The following EFR3A variants were observed in gnomAD, a reference collection of about 807,000 sequenced individuals.
EFR3A encodes the protein protein EFR3 homolog A.
EFR3A carries 76 observed loss-of-function variants against 104.4 expected under a neutral mutation model. That is an observed-to-expected ratio of 0.73 (90% CI 0.60 to 0.88). EFR3A has a LOEUF of 0.88. EFR3A is among the 40% of genes least tolerant of loss of function. EFR3A has a pLI of 0.00. For missense variants in EFR3A, 985 were observed against 1,012.5 expected (o/e 0.97, Z 0.37); for synonymous variants, 330 against 330.0 (o/e 1.00, Z 0.00).
At chr8:131,993,004 G>T (rs948324029) in intron 18 of EFR3A, among the ~76,000 whole-genome samples, 15 of 152,148 alleles carry the variant, frequency 9.9e-5, no homozygotes, top group Admixed American at 9.2e-4. Flanking sequence ...AGCTAAGGGT[G>T]ACTTTTGCAA....
intron 8 of EFR3A, among the ~76,000 whole-genome samples, chr8:131,966,832 C>T (rs1258839693): frequency 6.6e-6 from 1 of 152,068 alleles, no homozygotes; most frequent in East Asian, 1.9e-4. Context: ...GTAAATGAAA[C>T]CTCAGTACAC....
chr8:131,942,150 A>T (rs1366549331), intron 2 of EFR3A, among the ~76,000 whole-genome samples: 1 of 152,098 alleles, frequency 6.6e-6, no homozygotes, highest in Non-Finnish European at 1.5e-5. Context: ...ACACTTGATC[A>T]TTGAAATGAC....
intron 1 of EFR3A, among the ~76,000 whole-genome samples, chr8:131,905,136 T>C (rs1816184424): frequency 6.6e-6 from 1 of 152,220 alleles, no homozygotes; most frequent in South Asian, 2.1e-4. Context: ...TGTGGATATG[T>C]GCAAACTAGG....
intron 18 of EFR3A, among the ~76,000 whole-genome samples, chr8:131,993,813 G>A (rs1216809735): frequency 6.6e-6 from 1 of 152,074 alleles, no homozygotes; most frequent in Non-Finnish European, 1.5e-5. Context: ...ACATAGGCGT[G>A]TGCAAACCAA....
chr8:131,999,398 C>A (rs941433426), intron 19 of EFR3A, among the ~76,000 whole-genome samples: 7 of 152,028 alleles, frequency 4.6e-5, no homozygotes, highest in African/African-American at 7.2e-5. Flanking sequence ...ATAGCAACTA[C>A]TATAATTAGA....
intron 21 of EFR3A, 95 bp from the exon 22 acceptor site, chr8:132,003,141 T>G: frequency 1.0e-6 from 1 of 1,001,242 alleles, no homozygotes; most frequent in Admixed American, 2.2e-5. Flanking sequence ...AGCTTAATAG[T>G]CACAATTATA....
chr8:131,977,178 T>C, intron 12 of EFR3A, 86 bp downstream of exon 12: 1 of 949,310 alleles, frequency 1.1e-6, no homozygotes, highest in Non-Finnish European at 1.6e-6. Context: ...ACAACCGTTC[T>C]TTCTTAAGTA....
At chr8:131,998,431 T>TA (rs1345222443) in intron 19 of EFR3A, among the ~76,000 whole-genome samples, 5 of 150,760 alleles carry the variant, frequency 3.3e-5, no homozygotes, top group African/African-American at 9.7e-5. Context: ...ACTTATAATT[T>TA]AAAAAAAAAG....
chr8:131,981,130 T>G (rs963582820), intron 14 of EFR3A, among the ~76,000 whole-genome samples: 1 of 151,868 alleles, frequency 6.6e-6, no homozygotes, highest in African/African-American at 2.4e-5. Context: ...TCATTACTGA[T>G]ATAATGAATT....
intron 1 of EFR3A, among the ~76,000 whole-genome samples, chr8:131,909,686 A>G (rs1214587170): frequency 3.9e-5 from 6 of 152,148 alleles, no homozygotes; most frequent in East Asian, 1.9e-4. Context: ...TCTTTACACT[A>G]TTGATGTCTG....
chr8:131,946,496 G>C lies in EFR3A; in HGVS notation c.229G>C (p.Ala77Pro). ...VRHRSGYVLIAMEALDQLLMA... is the reference protein window; with the variant it reads ...VRHRSGYVLIPMEALDQLLMA... ...TCCTACATGTAGGTATGTTTTGATT[G>C]CTATGGAGGCACTGGACCAACTTCT... is the stretch of plus-strand genomic sequence containing the variant. Residue 77 changes from alanine (A) to proline (P), a missense_variant, in exon 4 of 23, where the codon GCT becomes CCT. Coordinates refer to ENST00000254624, the MANE Select transcript of EFR3A (RefSeq NM_015137.6). 1 of 1,597,846 alleles carries C rather than the reference G, an allele frequency of 6.3e-7. No individual in the cohort carries two copies. Among genetic ancestry groups the C allele is most frequent in the Non-Finnish European group, 8.5e-7 (1 of 1,172,554 alleles).
intron 19 of EFR3A, among the ~76,000 whole-genome samples, chr8:132,000,082 T>A (rs1261807770): frequency 2.0e-5 from 3 of 151,636 alleles, no homozygotes; most frequent in African/African-American, 7.3e-5. Context: ...AAGGAGACAT[T>A]AAAAAAAAGA....
In EFR3A at chr8:132,013,510, G is replaced by C. The variant is rs749570708; in HGVS notation, c.*2615G>C. 2 of 152,514 alleles carry C rather than the reference G, an allele frequency of 1.3e-5. No homozygotes were observed. Among genetic ancestry groups the C allele is most frequent in the African/African-American group, 2.4e-5 (1 of 41,412 alleles). 9.4% of individuals were successfully genotyped at this position (152,514 alleles called of 1,614,324 possible). A position where few individuals can be genotyped will look rare whatever the true frequency, so the allele number is the denominator to read the frequency against. Reference sequence around the variant, plus strand: ...ATCTGTATTAAATGCAATAAAGTTAGTTTTTGAAATGTAAAAATTCACTGT... The same window carrying C: ...ATCTGTATTAAATGCAATAAAGTTACTTTTTGAAATGTAAAAATTCACTGT... On this transcript the variant is annotated 3_prime_UTR_variant, in exon 23 of 23. Coordinates refer to ENST00000254624, the MANE Select transcript of EFR3A (RefSeq NM_015137.6).
chr8:131,945,605 A>ATC (rs1216354063), intron 3 of EFR3A, among the ~76,000 whole-genome samples: 1 of 152,186 alleles, frequency 6.6e-6, no homozygotes. Flanking sequence ...AAGGAAAAGT[A>ATC]TCCAAAGACT....
chr8:131,995,316 T>C (rs1157937353), intron 18 of EFR3A, among the ~76,000 whole-genome samples: 1 of 152,194 alleles, frequency 6.6e-6, no homozygotes, highest in African/African-American at 2.4e-5. Context: ...TCGACTGTAA[T>C]CATGATTATT....
chr8:131,973,668 G>A (rs1410391689), intron 10 of EFR3A, among the ~76,000 whole-genome samples: 5 of 151,838 alleles, frequency 3.3e-5, no homozygotes, highest in African/African-American at 9.7e-5. Context: ...TATTCCTGTC[G>A]GTGGGCCATG....
chr8:131,916,353 A>G (rs1317985092), intron 1 of EFR3A, among the ~76,000 whole-genome samples: 1 of 152,182 alleles, frequency 6.6e-6, no homozygotes, highest in Non-Finnish European at 1.5e-5. Flanking sequence ...TAATTGGATC[A>G]AAGGATTGAG....
chr8:131,977,673 C>T (rs1040772790), intron 12 of EFR3A, among the ~76,000 whole-genome samples: 4 of 152,140 alleles, frequency 2.6e-5, no homozygotes, highest in Non-Finnish European at 5.9e-5. Flanking sequence ...CAGTATCTTT[C>T]AGATTTATCC....
chr8:131,960,351 G>C (rs1819245117), intron 8 of EFR3A, among the ~76,000 whole-genome samples: 1 of 151,800 alleles, frequency 6.6e-6, no homozygotes, highest in African/African-American at 2.4e-5. Flanking sequence ...TATGGGGGCT[G>C]ATTTTTTTCC....
Sources: allele counts gnomAD v4.1 joint callset (sites outside exome capture counted in the v4.1 genomes callset), GRCh38; gene constraint gnomAD v4.1.1; transcripts MANE v1.5; gene names NCBI Gene and HGNC (gene_info 2026-07-23, HGNC 2026-07-21).